MAEL: variants seen among roughly 807,000 people sequenced by gnomAD.
MAEL encodes maelstrom spermatogenic transposon silencer.
A neutral mutation model predicts 62.0 loss-of-function variants in MAEL; 46 were observed. The observed-to-expected ratio is 0.74, with a 90% confidence interval of 0.59 to 0.95. The LOEUF is 0.95. Ranked by LOEUF, MAEL falls within the 40% of genes least tolerant of loss-of-function variation. The probability of loss-of-function intolerance (pLI) is 0.00; values close to 1 mark genes in which losing one functional copy is unlikely to be tolerated. For missense variants in MAEL, 497 were observed against 526.8 expected (o/e 0.94, Z 0.55); for synonymous variants, 172 against 175.5 (o/e 0.98, Z 0.16).
intron 1 of MAEL, among the ~76,000 whole-genome samples, chr1:166,976,835 T>C (rs6699159): frequency 0.31 from 46,684 of 152,090 alleles, 8,484 homozygotes; most frequent in African/African-American, 0.52. Context: ...CCTGGGCAGC[T>C]GTCTTTTATG....
At chr1:167,017,218 C>T (rs937516393) in intron 9 of MAEL, among the ~76,000 whole-genome samples, 9 of 152,098 alleles carry the variant, frequency 5.9e-5, no homozygotes, top group Non-Finnish European at 1.2e-4. Context: ...CTACACATTG[C>T]ATGCTTGTAT....
chr1:167,010,848 G>A (rs1238780582), intron 8 of MAEL, among the ~76,000 whole-genome samples: 2 of 152,130 alleles, frequency 1.3e-5, no homozygotes, highest in Non-Finnish European at 2.9e-5. Context: ...ATAATTTAGC[G>A]GGAGGTTTGA....
intron 4 of MAEL, 112 bp from the exon 5 acceptor site, chr1:166,993,916 A>G: frequency 1.4e-6 from 1 of 702,386 alleles, no homozygotes; most frequent in Non-Finnish European, 2.3e-6. Context: ...TTGTATTTTC[A>G]TGTAATAAAA....
chr1:166,977,304 AT>A (rs1459555559), intron 1 of MAEL, among the ~76,000 whole-genome samples: 2 of 152,178 alleles, frequency 1.3e-5, no homozygotes, highest in Non-Finnish European at 2.9e-5. Flanking sequence ...TTTGAGGACT[AT>A]TTCCTTTCAT....
rs1189149976 is a variant in MAEL at position 167,007,583 on chromosome 1, GTGTGTGTGTGTGTGTA to G, written c.845+2190_845+2205del. ...TGTGTGTGTGTGTGTGTGTGTGTGT[GTGTGTGTGTGTGTGTA>G]TGTACACACACACTCCATATACATC... On this transcript the variant is annotated intron_variant, in intron 8 of 11. Transcript: ENST00000367872. 6.2e-3 allele frequency among the ~76,000 whole-genome samples: 836 copies of G among 135,124 alleles called. 6 individuals carry two copies. The highest frequency in any genetic ancestry group is 0.02 in the African/African-American group (638 of 32,162). 88.6% of individuals were successfully genotyped at this position (135,124 alleles called of 152,430 possible). A position where few individuals can be genotyped will look rare whatever the true frequency, so the allele number is the denominator to read the frequency against.
intron 2 of MAEL, chr1:166,990,833 A>G (rs6673622): frequency 0.31 from 47,128 of 152,258 alleles, 7,459 homozygotes; most frequent in African/African-American, 0.35. Flanking sequence ...GTAAAATTCC[A>G]TTCTTAAACT....
In MAEL at chr1:166,999,233, C is replaced by G. The variant is rs1664558049; in HGVS notation, c.524-4947C>G. ...CTGCAGTAGGCCAAAAACTAGGCTTCTTGTGCCAAATGACCAAGTTGTGAA... is the reference window on the plus strand; with the variant it reads ...CTGCAGTAGGCCAAAAACTAGGCTTGTTGTGCCAAATGACCAAGTTGTGAA... On this transcript the variant is annotated intron_variant, in intron 5 of 11. Transcript: ENST00000367872. 2.6e-5 allele frequency among the ~76,000 whole-genome samples: 4 copies of G among 152,172 alleles called. No individual in the cohort carries two copies. In the South Asian group the frequency reaches 8.3e-4, roughly 32 times the overall value.
intron 1 of MAEL, among the ~76,000 whole-genome samples, chr1:166,978,905 C>A (rs1449271240): frequency 6.6e-6 from 1 of 152,110 alleles, no homozygotes; most frequent in East Asian, 1.9e-4. Context: ...GGGACCAGAA[C>A]AAGATTCCCA....
intron 8 of MAEL, among the ~76,000 whole-genome samples, chr1:167,011,065 C>T (rs974046427): frequency 6.6e-6 from 1 of 151,964 alleles, no homozygotes; most frequent in Non-Finnish European, 1.5e-5. Context: ...TAGCATGGCA[C>T]TTGCCTATAG....
rs1344632973 is a variant in MAEL, at chr1:167,017,901, A to G, written c.983A>G (p.Tyr328Cys). 1 of 1,613,466 alleles carries G rather than the reference A, an allele frequency of 6.2e-7. No homozygotes were observed. The highest frequency in any genetic ancestry group is 2.2e-5 in the East Asian group (1 of 44,870). Reference sequence around the variant, plus strand: ...GAGGCTCATGTACCACTACAAGATTATGAGGCCAGCAATAGTGTGACACCC... The same window carrying G: ...GAGGCTCATGTACCACTACAAGATTGTGAGGCCAGCAATAGTGTGACACCC... ...LTEAHVPLQD[Y>C]EASNSVTPKM... Residue 328 changes from tyrosine to cysteine, a missense_variant, in exon 10 of 12, where the codon TAT becomes TGT. Coordinates refer to ENST00000367872, the MANE Select transcript of MAEL (RefSeq NM_032858.3).
chr1:166,986,209 G>C (rs575789935), upstream of MAEL, among the ~76,000 whole-genome samples: 10 of 152,300 alleles, frequency 6.6e-5, no homozygotes, highest in South Asian at 2.1e-3. Flanking sequence ...GCAGTGTAAA[G>C]GAGTAGTGAG....
intron 5 of MAEL, among the ~76,000 whole-genome samples, chr1:166,996,837 C>G (rs1246080941): frequency 6.6e-6 from 1 of 151,998 alleles, no homozygotes; most frequent in Non-Finnish European, 1.5e-5. Context: ...CACATTTTTT[C>G]TTTTTTTAAG....
At chr1:167,015,666 A>G (rs944619832) in intron 8 of MAEL, among the ~76,000 whole-genome samples, 11 of 152,164 alleles carry the variant, frequency 7.2e-5, no homozygotes, top group Admixed American at 2.6e-4. Flanking sequence ...TCTCCACTGA[A>G]ACACCACCTT....
intron 5 of MAEL, among the ~76,000 whole-genome samples, chr1:166,996,982 A>G (rs549797698): frequency 1.2e-4 from 18 of 152,148 alleles, no homozygotes; most frequent in Non-Finnish European, 2.1e-4. Context: ...GTGCATCACC[A>G]TGCCCGGCTA....
At chr1:166,979,060 T>C (rs965074554) in intron 1 of MAEL, among the ~76,000 whole-genome samples, 5 of 152,204 alleles carry the variant, frequency 3.3e-5, no homozygotes, top group Non-Finnish European at 7.3e-5. Context: ...AGCAACCACA[T>C]AGTTATAAAT....
chr1:167,008,367 G>T (rs557233739), intron 8 of MAEL, among the ~76,000 whole-genome samples: 1 of 152,082 alleles, frequency 6.6e-6, no homozygotes, highest in East Asian at 1.9e-4. Context: ...TATGTTTCTA[G>T]AAAATGATAC....
chr1:167,000,479 T>G (rs1050500294), intron 5 of MAEL, among the ~76,000 whole-genome samples: 9 of 152,218 alleles, frequency 5.9e-5, no homozygotes, highest in African/African-American at 2.2e-4. Context: ...ACTAGTTGCT[T>G]GAGATGGAAC....
At position 167,015,738 on chromosome 1, in the gene MAEL, T is replaced by C. The variant is rs146385059; in HGVS notation, c.846-484T>C. On this transcript the variant is annotated intron_variant, in intron 8 of 11. Coordinates refer to ENST00000367872, the MANE Select transcript of MAEL (RefSeq NM_032858.3). The stretch of plus-strand genomic sequence containing the variant: ...GTTGTTCCTCTCCAATATTTTATAT[T>C]ATCTTTTTATTTTTAAATAAAGTTC... Among the ~76,000 whole-genome samples the C allele has an allele frequency of 2.2e-3, 342 of 152,326 alleles. 3 individuals carry two copies. Among genetic ancestry groups the C allele is most frequent in the African/African-American group, 7.8e-3 (326 of 41,568 alleles).
At chr1:166,980,035 G>T (rs975259801) in intron 1 of MAEL, among the ~76,000 whole-genome samples, 2 of 151,680 alleles carry the variant, frequency 1.3e-5, no homozygotes, top group Non-Finnish European at 2.9e-5. Flanking sequence ...CTTTCTTTTA[G>T]AGACAGGGTC....
Sources: allele counts gnomAD v4.1 joint callset (sites outside exome capture counted in the v4.1 genomes callset), GRCh38; gene constraint gnomAD v4.1.1; transcripts MANE v1.5; gene names NCBI Gene and HGNC (gene_info 2026-07-23, HGNC 2026-07-21).